CCNH: variants seen among roughly 807,000 people sequenced by gnomAD.
CCNH encodes cyclin H, also known as cyclin-H.
Under a neutral mutation model 41.9 loss-of-function variants are expected in CCNH, and 31 were observed. The ratio of observed to expected loss-of-function variants is 0.74; its 90% confidence interval spans 0.56 to 1.00. CCNH has a LOEUF of 1.00. CCNH is among the 50% of genes least tolerant of loss of function. The probability of loss-of-function intolerance (pLI) is 0.00; values close to 1 mark genes in which losing one functional copy is unlikely to be tolerated. For missense variants in CCNH, 362 were observed against 388.4 expected (o/e 0.93, Z 0.57); for synonymous variants, 138 against 136.1 (o/e 1.01, Z -0.10).
upstream of CCNH, among the ~76,000 whole-genome samples, chr5:87,381,187 CATT>C (rs1214068873): frequency 6.6e-6 from 1 of 152,142 alleles, no homozygotes; most frequent in Non-Finnish European, 1.5e-5. Context: ...ACTTCATTAT[CATT>C]ATTCTAACTT....
At chr5:87,410,939 T>C (rs978737304) in intron 2 of CCNH, among the ~76,000 whole-genome samples, 1 of 152,236 alleles carries the variant, frequency 6.6e-6, no homozygotes, top group South Asian at 2.1e-4. Flanking sequence ...CTATGGCTCA[T>C]TAGTTGAGAA....
At chr5:87,330,453 A>G (rs548106167) in intron 9 of CCNH, among the ~76,000 whole-genome samples, 74 of 152,192 alleles carry the variant, frequency 4.9e-4, no homozygotes, top group Non-Finnish European at 9.7e-4. Context: ...GGATGTTTCA[A>G]ATTAGGCTGT....
At chr5:87,379,656 T>C, upstream of CCNH, 2 of 1,555,040 alleles carry the variant, frequency 1.3e-6, no homozygotes, top group South Asian at 1.2e-5. Flanking sequence ...CCTCGAAAAC[T>C]ATAACTACTT....
In CCNH at chr5:87,412,448, A is replaced by T. The variant is rs1006512652; in HGVS notation, c.117+230T>A. The T allele has an allele frequency of 4.3e-6, 6 of 1,389,282 alleles. No individual in the cohort carries two copies. The African/African-American group carries it at 8.7e-5, about 20-fold the overall frequency. 86.1% of individuals were successfully genotyped at this position (1,389,282 alleles called of 1,614,324 possible). ...CACACTACTTACTCTCTTCTTCACTACGTTACAAAGACTGGTTACTTGTCT... is the reference window on the plus strand; with the variant it reads ...CACACTACTTACTCTCTTCTTCACTTCGTTACAAAGACTGGTTACTTGTCT... On this transcript the variant is annotated intron_variant, in intron 1 of 8. Coordinates refer to ENST00000256897, the MANE Select transcript of CCNH (RefSeq NM_001239.4).
chr5:87,341,224 T>C (rs972738963), intron 9 of CCNH: 109 of 971,348 alleles, frequency 1.1e-4, no homozygotes, highest in Non-Finnish European at 1.4e-4. Flanking sequence ...ACGATTTTCA[T>C]GAATTTTAAT....
At chr5:87,387,243 T>G (rs1294957009), downstream of CCNH, among the ~76,000 whole-genome samples, 1 of 152,118 alleles carries the variant, frequency 6.6e-6, no homozygotes, top group African/African-American at 2.4e-5. Flanking sequence ...TTTACTTTGC[T>G]GCTACTATGT....
chr5:87,396,785 A>C (rs1762998465), intron 7 of CCNH, among the ~76,000 whole-genome samples: 1 of 152,230 alleles, frequency 6.6e-6, no homozygotes. Flanking sequence ...AGACTAGCAA[A>C]AGCTAAGCAT....
chr5:87,389,384 C>T (rs1007307873), downstream of CCNH: 1 of 1,613,834 alleles, frequency 6.2e-7, no homozygotes, highest in African/African-American at 1.3e-5. Context: ...TTTTACGATT[C>T]CCTTAAAGAA....
chr5:87,391,909 A>C (rs1369127251), downstream of CCNH: 2 of 226,930 alleles, frequency 8.8e-6, no homozygotes, highest in Non-Finnish European at 1.8e-5. Flanking sequence ...ACCAAGGGAT[A>C]TCTTGCATAA....
At chr5:87,376,303 T>C (rs1346278302) in exon 1 of CCNH, 10 of 1,445,190 alleles carry the variant, frequency 6.9e-6, no homozygotes, top group African/African-American at 2.8e-5. Flanking sequence ...TTTAACACCA[T>C]AGGGAAGACT....
intron 9 of CCNH, among the ~76,000 whole-genome samples, chr5:87,322,923 AGTG>A: frequency 6.6e-6 from 1 of 152,298 alleles, no homozygotes; most frequent in African/African-American, 2.4e-5. Context: ...GAAGTGTGAG[AGTG>A]TCTGTGTGTT....
upstream of CCNH, chr5:87,379,821 A>G: frequency 6.2e-7 from 1 of 1,612,814 alleles, no homozygotes; most frequent in South Asian, 1.1e-5. Context: ...TTGTGGAGAA[A>G]ATATTCATGG....
intron 9 of CCNH, among the ~76,000 whole-genome samples, chr5:87,351,513 T>A (rs2112427546): frequency 6.6e-6 from 1 of 151,894 alleles, no homozygotes; most frequent in Non-Finnish European, 1.5e-5. Context: ...TGGTTTTATG[T>A]GCTAAATGCA....
In CCNH at chr5:87,406,795, G is replaced by A. The variant is rs3093796; in HGVS notation, c.525+1181C>T. On this transcript the variant is annotated intron_variant, in intron 4 of 8. Coordinates refer to ENST00000256897, the MANE Select transcript of CCNH (RefSeq NM_001239.4). ...TATCTTTTGCTTGGACTCCTTTAACGGTACCCTGTTATTGACTTAATCTAT... is the reference window on the plus strand; with the variant it reads ...TATCTTTTGCTTGGACTCCTTTAACAGTACCCTGTTATTGACTTAATCTAT... Among the ~76,000 whole-genome samples, 406 of 152,046 alleles carry A rather than the reference G, an allele frequency of 2.7e-3. 5 individuals carry two copies. The highest frequency in any genetic ancestry group is 8.4e-3 in the East Asian group (43 of 5,126).
At chr5:87,333,166 T>C in intron 9 of CCNH, 1 of 1,505,372 alleles carries the variant, frequency 6.6e-7, no homozygotes, top group East Asian at 2.4e-5. Flanking sequence ...TCCCATGGAG[T>C]TTCTAATGTG....
chr5:87,333,503 T>C (rs1224913169), intron 9 of CCNH, among the ~76,000 whole-genome samples: 1 of 152,214 alleles, frequency 6.6e-6, no homozygotes, highest in East Asian at 1.9e-4. Context: ...GGTTGGCTTA[T>C]TTGTTCAGAC....
downstream of CCNH, chr5:87,386,805 C>T (rs7715868): frequency 4.1e-3 from 6,643 of 1,604,436 alleles, 86 homozygotes; most frequent in African/African-American, 0.041. Context: ...GTGCATATAA[C>T]AGAAGCATTT....
chr5:87,389,450 T>C (rs138429455), downstream of CCNH: 2 of 1,614,094 alleles, frequency 1.2e-6, no homozygotes, highest in Non-Finnish European at 1.7e-6. Context: ...GTCCCGTGAT[T>C]TAGCAGCATT....
At chr5:87,402,536 A>C (rs1223192900) in intron 5 of CCNH, among the ~76,000 whole-genome samples, 2 of 152,210 alleles carry the variant, frequency 1.3e-5, no homozygotes, top group East Asian at 1.9e-4. Context: ...AAATGCAAAA[A>C]ACTTATTTTT....
Sources: allele counts gnomAD v4.1 joint callset (sites outside exome capture counted in the v4.1 genomes callset), GRCh38; gene constraint gnomAD v4.1.1; transcripts MANE v1.5; gene names NCBI Gene and HGNC (gene_info 2026-07-23, HGNC 2026-07-21).